DYM: variants seen among roughly 807,000 people sequenced by gnomAD.
DYM encodes dymeclin.
DYM carries 78 observed loss-of-function variants against 93.1 expected under a neutral mutation model. The ratio of observed to expected loss-of-function variants is 0.84; its 90% CI spans 0.70 to 1.01. The LOEUF is 1.01. Ranked by LOEUF, DYM falls within the 50% of genes least tolerant of loss-of-function variation. DYM has a pLI of 0.00. For synonymous variants in DYM, 321 were observed against 319.7 expected (o/e 1.00, Z -0.04); for missense variants, 789 against 845.0 (o/e 0.93, Z 0.82).
chr18:49,190,028 C>T (rs2090824670), intron 14 of DYM, among the ~76,000 whole-genome samples: 1 of 152,186 alleles, frequency 6.6e-6, no homozygotes, highest in Admixed American at 6.5e-5. Flanking sequence ...TCAATAGCTG[C>T]CTGCTACAGT....
At chr18:49,417,561 A>T (rs536062861) in intron 2 of DYM, among the ~76,000 whole-genome samples, 1 of 151,942 alleles carries the variant, frequency 6.6e-6, no homozygotes, top group South Asian at 2.1e-4. Context: ...ATGCCCCCCC[A>T]TTAAAAAGAG....
At chr18:49,146,651 C>T (rs2085177836) in intron 15 of DYM, among the ~76,000 whole-genome samples, 1 of 152,190 alleles carries the variant, frequency 6.6e-6, no homozygotes, top group East Asian at 1.9e-4. Context: ...ACGTGAAGGA[C>T]CTCTTCAAGG....
intron 10 of DYM, among the ~76,000 whole-genome samples, chr18:49,278,021 G>A (rs2094887946): frequency 6.6e-6 from 1 of 152,150 alleles, no homozygotes; most frequent in African/African-American, 2.4e-5. Flanking sequence ...AGGTAGAAAA[G>A]TGCATAAGAA....
At chr18:49,077,053 C>T (rs2077368019) in intron 17 of DYM, among the ~76,000 whole-genome samples, 1 of 152,172 alleles carries the variant, frequency 6.6e-6, no homozygotes, top group Admixed American at 6.5e-5. Flanking sequence ...TCTCCAATTA[C>T]AATTTAAAAT....
intron 15 of DYM, among the ~76,000 whole-genome samples, chr18:49,131,147 CA>C (rs995055460): frequency 1.3e-5 from 2 of 152,080 alleles, no homozygotes; most frequent in African/African-American, 4.8e-5. Flanking sequence ...TAACCCGAAA[CA>C]AGAAGGAAGA....
chr18:49,075,035 G>A (rs2077186476), intron 17 of DYM, among the ~76,000 whole-genome samples: 1 of 152,152 alleles, frequency 6.6e-6, no homozygotes, highest in Admixed American at 6.5e-5. Flanking sequence ...GACAGGCTGG[G>A]TGTCTCCTCT....
Position 49,295,910 on chromosome 18 carries a change from G to A in DYM, c.764-9294C>T, listed in dbSNP as rs535039164. Among the ~76,000 whole-genome samples the A allele has an allele frequency of 5.9e-5, 9 of 151,408 alleles. No homozygotes were observed. The South Asian group carries it at 1.3e-3, about 21-fold the overall frequency. On this transcript the variant is annotated intron_variant, in intron 8 of 17. Transcript: ENST00000675505. The stretch of plus-strand genomic sequence containing the variant: ...GGTAGTATCTTTTAAAACCAAAACC[G>A]TTCTTATTTATTTATTTATTTATTT...
intron 6 of DYM, among the ~76,000 whole-genome samples, chr18:49,336,198 T>C (rs1242770022): frequency 6.6e-6 from 1 of 152,232 alleles, no homozygotes; most frequent in Non-Finnish European, 1.5e-5. Context: ...GCCTCAGATC[T>C]AGAAACAAAT....
At chr18:49,243,726 TTC>T (rs1374072769) in intron 13 of DYM, among the ~76,000 whole-genome samples, 2 of 151,896 alleles carry the variant, frequency 1.3e-5, no homozygotes. Flanking sequence ...TCTCTTTAGT[TTC>T]TCAGAGAACA....
chr18:49,145,877 C>T (rs2085071720), intron 15 of DYM, among the ~76,000 whole-genome samples: 1 of 151,666 alleles, frequency 6.6e-6, no homozygotes. Context: ...TACTTGTTTT[C>T]TTTTTATATT....
chr18:49,395,170 A>G (rs1470831050), intron 2 of DYM, among the ~76,000 whole-genome samples: 1 of 152,214 alleles, frequency 6.6e-6, no homozygotes, highest in Non-Finnish European at 1.5e-5. Context: ...GCTTCTGCAC[A>G]GCAAAGGAAA....
chr18:49,222,406 A>G (rs1036687272), intron 13 of DYM, among the ~76,000 whole-genome samples: 3 of 152,130 alleles, frequency 2.0e-5, no homozygotes, highest in African/African-American at 7.2e-5. Context: ...TCTAGGTCCG[A>G]GACAAGAAAT....
chr18:49,322,170 C>T (rs1041144141), intron 8 of DYM, among the ~76,000 whole-genome samples: 1 of 151,922 alleles, frequency 6.6e-6, no homozygotes, highest in Admixed American at 6.6e-5. Flanking sequence ...CTCCTTTGGC[C>T]TTATAATTTG....
intron 5 of DYM, among the ~76,000 whole-genome samples, chr18:49,370,003 G>A (rs1053488167): frequency 1.2e-4 from 18 of 152,210 alleles, no homozygotes; most frequent in South Asian, 4.1e-4. Flanking sequence ...AACGCTGGGC[G>A]CAGTGGCTCA....
chr18:49,291,218 TAACAA>T (rs1187488671), intron 8 of DYM, among the ~76,000 whole-genome samples: 2 of 152,242 alleles, frequency 1.3e-5, no homozygotes, highest in African/African-American at 4.8e-5. Context: ...AAGCAATGTA[TAACAA>T]AACAAGCAAC....
At chr18:49,080,599 C>G (rs1470292007) in intron 17 of DYM, among the ~76,000 whole-genome samples, 1 of 145,808 alleles carries the variant, frequency 6.9e-6, no homozygotes, top group African/African-American at 2.5e-5. Flanking sequence ...GCTGACCCCC[C>G]CACCTCCCTC....
intron 15 of DYM, among the ~76,000 whole-genome samples, chr18:49,153,732 T>C (rs2086078343): frequency 6.6e-6 from 1 of 152,266 alleles, no homozygotes; most frequent in Non-Finnish European, 1.5e-5. Context: ...CTCTTCCTTA[T>C]AGAATTCTAT....
chr18:49,297,571 TAAGAAA>T (rs1201873323), intron 8 of DYM, among the ~76,000 whole-genome samples: 3 of 152,192 alleles, frequency 2.0e-5, no homozygotes, highest in Non-Finnish European at 4.4e-5. Flanking sequence ...AGTTTACCAT[TAAGAAA>T]AAGAAAAACA....
chr18:49,314,035 A>G (rs2061772245), intron 8 of DYM, among the ~76,000 whole-genome samples: 1 of 152,166 alleles, frequency 6.6e-6, no homozygotes, highest in South Asian at 2.1e-4. Context: ...AGGCATGCAG[A>G]TCACCTGAGG....
Sources: allele counts gnomAD v4.1 joint callset (sites outside exome capture counted in the v4.1 genomes callset), GRCh38; gene constraint gnomAD v4.1.1; transcripts MANE v1.5; gene names NCBI Gene and HGNC (gene_info 2026-07-23, HGNC 2026-07-21).